The following ADAMTS19 variants were observed in gnomAD, a reference collection of about 807,000 sequenced individuals.
The protein encoded by ADAMTS19 is A disintegrin and metalloproteinase with thrombospondin motifs 19.
Under a neutral mutation model 153.3 loss-of-function variants are expected in ADAMTS19, and 93 were observed. That is an observed-to-expected ratio of 0.61 (90% CI 0.51 to 0.72). The LOEUF is 0.72. Among genes scored for constraint, ADAMTS19 ranks in the 30% least tolerant of loss-of-function variants. The pLI, the probability that ADAMTS19 is intolerant of heterozygous loss-of-function variation, is 0.00. For synonymous variants in ADAMTS19, 600 were observed against 556.6 expected, an observed-to-expected ratio of 1.08 and a Z score of -1.10; for missense variants, 1,482 against 1,552.1, an observed-to-expected ratio of 0.95 and a Z score of 0.76.
At chr5:129,583,070 G>A (rs1749606123) in intron 7 of ADAMTS19, among the ~76,000 whole-genome samples, 1 of 152,046 alleles carries the variant, frequency 6.6e-6, no homozygotes, top group African/African-American at 2.4e-5. Context: ...TCCATATTTA[G>A]TGCTTCTTTC....
intron 7 of ADAMTS19, among the ~76,000 whole-genome samples, chr5:129,577,636 T>C (rs1188116502): frequency 6.6e-6 from 1 of 152,094 alleles, no homozygotes; most frequent in Non-Finnish European, 1.5e-5. Flanking sequence ...GGTCCTAAGA[T>C]GTAACGATGC....
chr5:129,684,415 G>T (rs1376584311), intron 18 of ADAMTS19, 142 bp downstream of exon 18: 1 of 1,082,210 alleles, frequency 9.2e-7, no homozygotes, highest in South Asian at 1.7e-5. Flanking sequence ...TATATGATAT[G>T]TTTAGTGGCT....
chr5:129,546,392 A>G (rs1007850574), intron 6 of ADAMTS19, among the ~76,000 whole-genome samples: 1 of 150,966 alleles, frequency 6.6e-6, no homozygotes, highest in African/African-American at 2.5e-5. Flanking sequence ...ATAATAAAAA[A>G]AATTAAAAAA....
At chr5:129,689,806 A>AT (rs1755251486) in intron 18 of ADAMTS19, among the ~76,000 whole-genome samples, 1 of 152,114 alleles carries the variant, frequency 6.6e-6, no homozygotes, top group African/African-American at 2.4e-5. Context: ...TATATTTTCC[A>AT]TTTTTTCTCT....
chr5:129,468,863 G>A (rs1192759303), intron 2 of ADAMTS19, among the ~76,000 whole-genome samples: 1 of 151,636 alleles, frequency 6.6e-6, no homozygotes, highest in Non-Finnish European at 1.5e-5. Flanking sequence ...TGCAACCTCC[G>A]TCTCCTGGGT....
chr5:129,616,586 T>A (rs1751540465), intron 8 of ADAMTS19, among the ~76,000 whole-genome samples: 2 of 152,060 alleles, frequency 1.3e-5, no homozygotes, highest in South Asian at 4.1e-4. Context: ...CTGGCAAAGA[T>A]TTTTAAACAA....
intron 6 of ADAMTS19, among the ~76,000 whole-genome samples, chr5:129,549,800 C>G (rs1426066417): frequency 6.8e-6 from 1 of 146,862 alleles, no homozygotes; most frequent in Non-Finnish European, 1.5e-5. Flanking sequence ...ATACATATAT[C>G]TATATATACA....
At chr5:129,721,093 G>T (rs1756988648) in intron 21 of ADAMTS19, among the ~76,000 whole-genome samples, 1 of 152,164 alleles carries the variant, frequency 6.6e-6, no homozygotes, top group African/African-American at 2.4e-5. Context: ...ATTTATTGGA[G>T]CTTGTGTAGC....
chr5:129,688,013 G>A (rs1050053316), intron 18 of ADAMTS19: 1 of 151,992 alleles, frequency 6.6e-6, no homozygotes, highest in African/African-American at 2.4e-5. Flanking sequence ...AACAGTTTTC[G>A]ATTATCTCTA....
chr5:129,682,519 G>A (rs1327185939), intron 17 of ADAMTS19, among the ~76,000 whole-genome samples: 1 of 152,182 alleles, frequency 6.6e-6, no homozygotes, highest in African/African-American at 2.4e-5. Context: ...AGGAAAAATA[G>A]ACACATTTTT....
chr5:129,724,010 G>A (rs1209727464), intron 21 of ADAMTS19, among the ~76,000 whole-genome samples: 2 of 152,196 alleles, frequency 1.3e-5, no homozygotes, highest in African/African-American at 4.8e-5. Context: ...TCTAGGTTAA[G>A]ATAAGGGGTT....
At chr5:129,558,995 G>A (rs1456395251) in intron 7 of ADAMTS19, among the ~76,000 whole-genome samples, 1 of 152,010 alleles carries the variant, frequency 6.6e-6, no homozygotes, top group Non-Finnish European at 1.5e-5. Context: ...TATTTAAAAT[G>A]TATGCATATT....
intron 18 of ADAMTS19, among the ~76,000 whole-genome samples, chr5:129,690,025 A>G (rs17163073): frequency 0.05 from 7,539 of 152,258 alleles, 462 homozygotes; most frequent in African/African-American, 0.15. Context: ...AAAACATAGT[A>G]TTGAGATGAA....
intron 2 of ADAMTS19, among the ~76,000 whole-genome samples, chr5:129,505,422 C>T (rs1751239314): frequency 6.6e-6 from 1 of 152,054 alleles, no homozygotes; most frequent in Non-Finnish European, 1.5e-5. Flanking sequence ...ATCTGTTTAT[C>T]TATTTAATAG....
At chr5:129,555,186 G>C (rs1286992777) in intron 7 of ADAMTS19, among the ~76,000 whole-genome samples, 1 of 151,966 alleles carries the variant, frequency 6.6e-6, no homozygotes, top group Non-Finnish European at 1.5e-5. Flanking sequence ...GGATCATATA[G>C]GGTTGAATGA....
intron 11 of ADAMTS19, among the ~76,000 whole-genome samples, chr5:129,643,611 T>A (rs1193030773): frequency 6.6e-6 from 1 of 152,112 alleles, no homozygotes; most frequent in Non-Finnish European, 1.5e-5. Flanking sequence ...ACAAATTGTT[T>A]AAATCCAAAC....
At chr5:129,492,950 G>A (rs761954776) in intron 2 of ADAMTS19, among the ~76,000 whole-genome samples, 4 of 152,106 alleles carry the variant, frequency 2.6e-5, no homozygotes, top group Non-Finnish European at 1.5e-5. Flanking sequence ...GCTGCTTTAT[G>A]TGCTTCTTTA....
chr5:129,647,569 CTG>C (rs1753122304), intron 11 of ADAMTS19, among the ~76,000 whole-genome samples, 194 bp from the exon 12 acceptor site: 1 of 152,144 alleles, frequency 6.6e-6, no homozygotes, highest in Admixed American at 6.5e-5. Flanking sequence ...CCCAACAAGA[CTG>C]TATCTGTGAG....
chr5:129,467,480 T>C (rs1236670012), intron 2 of ADAMTS19, among the ~76,000 whole-genome samples: 1 of 152,068 alleles, frequency 6.6e-6, no homozygotes, highest in African/African-American at 2.4e-5. Flanking sequence ...CAGCATGGCA[T>C]AAGAGGGACC....
Sources: allele counts gnomAD v4.1 joint callset (sites outside exome capture counted in the v4.1 genomes callset), GRCh38; gene constraint gnomAD v4.1.1; transcripts MANE v1.5; gene names NCBI Gene and HGNC (gene_info 2026-07-23, HGNC 2026-07-21).